The following MECOM variants were observed in gnomAD, a reference collection of about 807,000 sequenced individuals.
MECOM encodes MDS1 and EVI1 complex locus.
A neutral mutation model predicts 116.3 loss-of-function variants in MECOM; 13 were observed. The ratio of observed to expected loss-of-function variants is 0.11; its 90% confidence interval spans 0.07 to 0.18. MECOM has a LOEUF of 0.18. Among genes scored for constraint, MECOM ranks in the 10% least tolerant of loss-of-function variants. MECOM has a pLI of 1.00. For missense variants in MECOM, 1,299 were observed against 1,509.0 expected, an observed-to-expected ratio of 0.86 and a Z score of 2.31; for synonymous variants, 528 against 535.2, an observed-to-expected ratio of 0.99 and a Z score of 0.19.
At chr3:169,641,010 C>G (rs1475104004) in intron 1 of MECOM, among the ~76,000 whole-genome samples, 1 of 152,194 alleles carries the variant, frequency 6.6e-6, no homozygotes, top group East Asian at 1.9e-4. Context: ...CAGTGACACT[C>G]TAGATCTCCA....
intron 2 of MECOM, among the ~76,000 whole-genome samples, chr3:169,305,026 C>G (rs1467920056): frequency 6.6e-6 from 1 of 152,106 alleles, no homozygotes; most frequent in African/African-American, 2.4e-5. Context: ...TAAATTTACA[C>G]TACTGTGAAA....
intron 3 of MECOM, chr3:169,134,061 G>A (rs1343912895): frequency 1.5e-6 from 1 of 685,218 alleles, no homozygotes; most frequent in Non-Finnish European, 2.2e-6. Context: ...CAGTAAAACA[G>A]TGCAATTGTC....
At chr3:169,661,266 G>A (rs1271790184) in intron 1 of MECOM, among the ~76,000 whole-genome samples, 1 of 151,862 alleles carries the variant, frequency 6.6e-6, no homozygotes, top group East Asian at 1.9e-4. Flanking sequence ...TGGTTGAAAA[G>A]GGCTACCCAC....
At chr3:169,094,321 C>T (rs1478821354) in intron 13 of MECOM, among the ~76,000 whole-genome samples, 1 of 152,110 alleles carries the variant, frequency 6.6e-6, no homozygotes, top group Non-Finnish European at 1.5e-5. Context: ...AAAGCATAAC[C>T]TTTATTCTCT....
At chr3:169,150,364 A>G (rs914711079) in intron 2 of MECOM, among the ~76,000 whole-genome samples, 2 of 152,204 alleles carry the variant, frequency 1.3e-5, no homozygotes, top group African/African-American at 2.4e-5. Context: ...ACCATCACCA[A>G]TTCCCTTTAT....
intron 2 of MECOM, among the ~76,000 whole-genome samples, chr3:169,300,331 A>G (rs1716471039): frequency 1.3e-5 from 2 of 152,236 alleles, no homozygotes; most frequent in South Asian, 4.1e-4. Context: ...TTTACATACT[A>G]AGAAGAAACC....
chr3:169,093,215 G>A (rs938479288), intron 13 of MECOM, 113 bp from the exon 14 acceptor site: 1 of 1,041,798 alleles, frequency 9.6e-7, no homozygotes, highest in African/African-American at 1.6e-5. Flanking sequence ...CATGCCCTAT[G>A]AATATTAATA....
intron 1 of MECOM, among the ~76,000 whole-genome samples, chr3:169,403,409 T>G (rs1736189067): frequency 6.6e-6 from 1 of 152,226 alleles, no homozygotes; most frequent in Non-Finnish European, 1.5e-5. Context: ...AGTCTCATTG[T>G]AATGGGTGCA....
chr3:169,431,920 G>A (rs1470124758), intron 1 of MECOM, among the ~76,000 whole-genome samples: 2 of 152,076 alleles, frequency 1.3e-5, no homozygotes, highest in Non-Finnish European at 2.9e-5. Flanking sequence ...TTGCCATGGA[G>A]AAAACTGGTT....
rs1437541710 is a variant in MECOM at position 169,635,582 on chromosome 3, A to G, written c.37+27754T>C. The stretch of plus-strand genomic sequence containing the variant: ...TCTCTGCATTTCCACATTTCTATCA[A>G]AAGTGAATCCATCTTTCAAGACCAT... On this transcript the variant is annotated intron_variant, in intron 1 of 16. Transcript: ENST00000651503. 2.0e-5 allele frequency among the ~76,000 whole-genome samples: 3 copies of G among 152,234 alleles called. No individual in the cohort carries two copies. In the East Asian group the frequency reaches 5.8e-4, roughly 29 times the overall value.
intron 1 of MECOM, among the ~76,000 whole-genome samples, chr3:169,598,651 G>A (rs1767443475): frequency 6.6e-6 from 1 of 152,186 alleles, no homozygotes; most frequent in Admixed American, 6.5e-5. Context: ...CATTCATAAA[G>A]GGGGGTAATG....
chr3:169,521,440 G>T (rs1757341884), intron 1 of MECOM, among the ~76,000 whole-genome samples: 1 of 152,146 alleles, frequency 6.6e-6, no homozygotes, highest in African/African-American at 2.4e-5. Flanking sequence ...CCAAGAAAAA[G>T]AAGGCCAGAC....
chr3:169,304,826 A>C (rs1717374575), intron 2 of MECOM, among the ~76,000 whole-genome samples: 1 of 151,942 alleles, frequency 6.6e-6, no homozygotes, highest in Non-Finnish European at 1.5e-5. Flanking sequence ...TTAAAATGCC[A>C]TCTTAGAGTT....
intron 1 of MECOM, among the ~76,000 whole-genome samples, chr3:169,448,979 G>A (rs528054710): frequency 1.3e-5 from 2 of 152,082 alleles, no homozygotes; most frequent in African/African-American, 2.4e-5. Context: ...TTGAAATCAC[G>A]ACTCCAAAAT....
chr3:169,646,647 C>CAA (rs1347216350), intron 1 of MECOM, among the ~76,000 whole-genome samples: 1 of 129,180 alleles, frequency 7.7e-6, no homozygotes. Context: ...AAGTATTGTA[C>CAA]AAAAAAAAAA....
intron 2 of MECOM, among the ~76,000 whole-genome samples, chr3:169,266,464 T>C (rs1196506401): frequency 6.6e-6 from 1 of 152,188 alleles, no homozygotes; most frequent in Non-Finnish European, 1.5e-5. Context: ...CGTTAAATGA[T>C]TTTTGTTGTC....
intron 1 of MECOM, among the ~76,000 whole-genome samples, chr3:169,506,466 C>CTTTTTTTTT (rs59006044): frequency 0.14 from 21,203 of 147,052 alleles, 1,641 homozygotes; most frequent in East Asian, 0.32. Context: ...GGTGAGTACT[C>CTTTTTTTTT]TTTTTTTTTT....
chr3:169,157,881 A>G (rs970145401), intron 2 of MECOM, among the ~76,000 whole-genome samples: 1 of 152,236 alleles, frequency 6.6e-6, no homozygotes, highest in Admixed American at 6.5e-5. Context: ...TGATTCACAC[A>G]TAATTTCTCT....
intron 2 of MECOM, among the ~76,000 whole-genome samples, chr3:169,357,833 A>G (rs1727526527): frequency 6.6e-6 from 1 of 151,844 alleles, no homozygotes; most frequent in Non-Finnish European, 1.5e-5. Flanking sequence ...AAAGGGAAGA[A>G]AGGAAGCAAA....
Sources: allele counts gnomAD v4.1 joint callset (sites outside exome capture counted in the v4.1 genomes callset), GRCh38; gene constraint gnomAD v4.1.1; transcripts MANE v1.5; gene names NCBI Gene and HGNC (gene_info 2026-07-23, HGNC 2026-07-21).